The following IFT56 variants were observed in gnomAD, a reference collection of about 807,000 sequenced individuals.
The protein encoded by IFT56 is intraflagellar transport 56.
At chr7:139,174,039 T>A in the IFT56 span, 1 of 612,852 alleles carries the variant, frequency 1.6e-6, no homozygotes, top group South Asian at 1.4e-5. Flanking sequence ...TAAGACAGAG[T>A]CAATCAACAC....
At chr7:139,142,889 C>G in the IFT56 span, among the ~76,000 whole-genome samples, 12 of 152,158 alleles carry the variant, frequency 7.9e-5, no homozygotes. Context: ...GAAACAGACT[C>G]AGAGTCACCT....
chr7:139,187,426 T>G, the IFT56 span: 1 of 1,614,192 alleles, frequency 6.2e-7, no homozygotes, highest in East Asian at 2.2e-5. Flanking sequence ...TTTACTATTC[T>G]GCCAAAGCTT....
At chr7:139,153,326 C>T in the IFT56 span, among the ~76,000 whole-genome samples, 1 of 151,822 alleles carries the variant, frequency 6.6e-6, no homozygotes, top group African/African-American at 2.4e-5. Flanking sequence ...TGGCGCATGC[C>T]TGTCATCCCA....
the IFT56 span, chr7:139,190,448 T>C: frequency 6.6e-6 from 1 of 152,264 alleles, no homozygotes; most frequent in South Asian, 2.1e-4. Context: ...GGTTTCACCG[T>C]GTTAGCCACA....
chr7:139,161,205 G>T, the IFT56 span: 4 of 504,358 alleles, frequency 7.9e-6, no homozygotes, highest in Non-Finnish European at 1.4e-5. Context: ...GGAAATCCTT[G>T]TTGGGAGAAC....
At chr7:139,172,363 T>C in the IFT56 span, among the ~76,000 whole-genome samples, 3 of 152,202 alleles carry the variant, frequency 2.0e-5, no homozygotes, top group African/African-American at 7.2e-5. Context: ...CTACAGTATG[T>C]GGGCAACTCA....
the IFT56 span, chr7:139,168,217 C>A: frequency 1.9e-6 from 1 of 536,750 alleles, no homozygotes; most frequent in Non-Finnish European, 3.2e-6. Flanking sequence ...AGGGATAGAA[C>A]AGAGAAAAGT....
chr7:139,190,687 C>G, the IFT56 span: 1 of 152,344 alleles, frequency 6.6e-6, no homozygotes, highest in African/African-American at 2.4e-5. Context: ...AAGTCATATT[C>G]CAGCCCCAGG....
At chr7:139,189,454 A>C in the IFT56 span, 1 of 1,485,712 alleles carries the variant, frequency 6.7e-7, no homozygotes, top group East Asian at 2.3e-5. Context: ...CGTCCTAGGA[A>C]CCAGCTTCTA....
chr7:139,170,113 G>T, the IFT56 span, among the ~76,000 whole-genome samples: 3 of 152,270 alleles, frequency 2.0e-5, no homozygotes, highest in East Asian at 3.9e-4. Flanking sequence ...AAACCTAGAA[G>T]AAATGGACAA....
the IFT56 span, among the ~76,000 whole-genome samples, chr7:139,185,199 T>C: frequency 1.4e-5 from 2 of 141,444 alleles, no homozygotes; most frequent in African/African-American, 5.9e-5. Flanking sequence ...AGACCTTGTG[T>C]CCAAAAAAAA....
the IFT56 span, chr7:139,139,862 T>A: frequency 6.7e-7 from 1 of 1,492,516 alleles, no homozygotes; most frequent in Admixed American, 1.9e-5. Flanking sequence ...GCTGCCAAAA[T>A]GAGATCACTG....
chr7:139,187,325 G>A, the IFT56 span: 1 of 1,534,826 alleles, frequency 6.5e-7, no homozygotes. Flanking sequence ...ATACAGTCCC[G>A]TTTCATGTTA....
At chr7:139,184,130 C>A in the IFT56 span, among the ~76,000 whole-genome samples, 1 of 152,220 alleles carries the variant, frequency 6.6e-6, no homozygotes, top group Non-Finnish European at 1.5e-5. Flanking sequence ...TGCACAGGAA[C>A]CTTCACCACG....
the IFT56 span, among the ~76,000 whole-genome samples, chr7:139,153,744 C>T: frequency 6.6e-6 from 1 of 152,112 alleles, no homozygotes; most frequent in African/African-American, 2.4e-5. Flanking sequence ...TTGATAGACA[C>T]TTGTGTTGTT....
chr7:139,137,738 C>G, the IFT56 span: 1 of 760,250 alleles, frequency 1.3e-6, no homozygotes, highest in Non-Finnish European at 2.2e-6. Flanking sequence ...TGTCATGCTT[C>G]TAATACTTAG....
chr7:139,188,900 C>A, the IFT56 span, among the ~76,000 whole-genome samples: 1 of 152,196 alleles, frequency 6.6e-6, no homozygotes, highest in Admixed American at 6.5e-5. Context: ...TGGTTACCAC[C>A]TTAAACAAGG....
the IFT56 span, chr7:139,165,120 C>T: frequency 6.2e-7 from 1 of 1,602,200 alleles, no homozygotes; most frequent in South Asian, 1.1e-5. Flanking sequence ...AGCATGATTT[C>T]TGTATCTCTA....
At chr7:139,153,467 C>T in the IFT56 span, among the ~76,000 whole-genome samples, 1 of 151,394 alleles carries the variant, frequency 6.6e-6, no homozygotes, top group Non-Finnish European at 1.5e-5. Flanking sequence ...AAAAGTCATA[C>T]TCTTCAGCTA....
Sources: gnomAD v4.1 joint callset for allele counts (sites outside exome capture counted in the v4.1 genomes callset) on GRCh38, gnomAD v4.1.1 for gene constraint, MANE v1.5 for transcripts, NCBI Gene and HGNC (gene_info 2026-07-23, HGNC 2026-07-21) for gene names.